The following PLS1 variants were observed in gnomAD, a reference collection of about 807,000 sequenced individuals.
PLS1 encodes the protein plastin-1.
Under a neutral mutation model 73.7 loss-of-function variants are expected in PLS1, and 32 were observed. That is an observed-to-expected ratio of 0.43 (90% confidence interval 0.33 to 0.58). The LOEUF (loss-of-function observed/expected upper bound fraction) is 0.58. PLS1 is among the 20% of genes least tolerant of loss of function. The probability of loss-of-function intolerance (pLI) is 0.04; values close to 1 mark genes in which losing one functional copy is unlikely to be tolerated. For missense variants in PLS1, 633 were observed against 740.5 expected (o/e 0.85, Z 1.68); for synonymous variants, 217 against 261.3 (o/e 0.83, Z 1.63).
At chr3:142,683,962 TAGAA>T (rs771473305) in intron 6 of PLS1, 40 bp from the exon 7 acceptor site, 15 of 1,463,150 alleles carry the variant, frequency 1.0e-5, no homozygotes, top group Admixed American at 2.0e-5. Context: ...GATAAGACCT[TAGAA>T]AGGACTTCCT....
intron 6 of PLS1, among the ~76,000 whole-genome samples, chr3:142,681,650 G>T (rs939225144): frequency 1.3e-5 from 2 of 152,062 alleles, no homozygotes; most frequent in African/African-American, 4.8e-5. Flanking sequence ...CTATCTTTCC[G>T]CATCAACACG....
intron 13 of PLS1, 38 bp downstream of exon 13, chr3:142,704,039 C>A: frequency 1.3e-6 from 2 of 1,588,418 alleles, no homozygotes; most frequent in Non-Finnish European, 1.7e-6. Context: ...CTGCCTGTTT[C>A]CTCCAACAAG....
intron 1 of PLS1, among the ~76,000 whole-genome samples, chr3:142,596,978 G>T (rs2035826075): frequency 6.6e-6 from 1 of 152,078 alleles, no homozygotes; most frequent in Non-Finnish European, 1.5e-5. Flanking sequence ...GGGACCTCTG[G>T]ATGCGGCATA....
At chr3:142,628,642 A>G (rs892313882) in intron 1 of PLS1, among the ~76,000 whole-genome samples, 5 of 152,300 alleles carry the variant, frequency 3.3e-5, no homozygotes, top group Non-Finnish European at 7.4e-5. Context: ...TACTTATAAT[A>G]TCATGGTGGT....
chr3:142,611,628 A>G (rs1157058230), intron 1 of PLS1, among the ~76,000 whole-genome samples: 2 of 152,056 alleles, frequency 1.3e-5, no homozygotes, highest in African/African-American at 4.8e-5. Flanking sequence ...TCTCCCCAAA[A>G]TTTTTTAAAA....
intron 10 of PLS1, among the ~76,000 whole-genome samples, chr3:142,693,390 T>C (rs766345678): frequency 6.6e-6 from 1 of 152,184 alleles, no homozygotes; most frequent in Non-Finnish European, 1.5e-5. Context: ...AACGAGCCCC[T>C]GGAACGCAGA....
chr3:142,643,045 G>C (rs1234826702), intron 1 of PLS1, among the ~76,000 whole-genome samples: 1 of 152,192 alleles, frequency 6.6e-6, no homozygotes, highest in African/African-American at 2.4e-5. Context: ...CCTCCCAAAA[G>C]AGTTGGATCT....
intron 1 of PLS1, chr3:142,645,159 C>T (rs1390654566): frequency 6.6e-6 from 1 of 152,124 alleles, no homozygotes; most frequent in Non-Finnish European, 1.5e-5. Flanking sequence ...TTTGTTATGG[C>T]ATTCTTTGTG....
chr3:142,709,394 T>C (rs777101384), intron 14 of PLS1, among the ~76,000 whole-genome samples: 49 of 152,158 alleles, frequency 3.2e-4, no homozygotes, highest in Admixed American at 1.0e-3. Context: ...CTCTCTCTCT[T>C]ACCCCTGCCC....
intron 1 of PLS1, among the ~76,000 whole-genome samples, chr3:142,606,106 A>G (rs937820738): frequency 6.6e-6 from 1 of 152,230 alleles, no homozygotes; most frequent in Non-Finnish European, 1.5e-5. Context: ...ACATTGTACA[A>G]AAGGGTACAC....
intron 6 of PLS1, among the ~76,000 whole-genome samples, chr3:142,680,777 TATA>T (rs1288748989): frequency 6.6e-6 from 1 of 152,196 alleles, no homozygotes. Context: ...CCAGCAACTT[TATA>T]ATAAGGTATA....
intron 1 of PLS1, among the ~76,000 whole-genome samples, chr3:142,599,364 C>G (rs1343287131): frequency 1.5e-5 from 2 of 131,520 alleles, no homozygotes; most frequent in Admixed American, 8.5e-5. Context: ...GAGTCTCGCT[C>G]TGTCGCCCAG....
chr3:142,672,509 A>G (rs1286157033), intron 4 of PLS1, among the ~76,000 whole-genome samples: 1 of 151,624 alleles, frequency 6.6e-6, no homozygotes, highest in African/African-American at 2.4e-5. Flanking sequence ...CGCCCAGCTA[A>G]TGTTTTTGTA....
At chr3:142,676,007 T>C in intron 4 of PLS1, 150 bp from the exon 5 acceptor site, 1 of 660,974 alleles carries the variant, frequency 1.5e-6, no homozygotes, top group African/African-American at 1.9e-5. Context: ...TGAACCCTTT[T>C]GTGTTTTAGT....
chr3:142,634,667 A>G (rs2036638822), intron 1 of PLS1, among the ~76,000 whole-genome samples: 1 of 152,182 alleles, frequency 6.6e-6, no homozygotes, highest in Non-Finnish European at 1.5e-5. Context: ...AAAAGATGAA[A>G]TTAAGGACTT....
At chr3:142,614,327 A>T (rs1364494637) in intron 1 of PLS1, among the ~76,000 whole-genome samples, 1 of 152,244 alleles carries the variant, frequency 6.6e-6, no homozygotes, top group Non-Finnish European at 1.5e-5. Context: ...TACCAAGGAT[A>T]GAAGGATGTG....
intron 1 of PLS1, among the ~76,000 whole-genome samples, chr3:142,638,367 T>A (rs1452217084): frequency 6.6e-6 from 1 of 152,100 alleles, no homozygotes; most frequent in East Asian, 1.9e-4. Context: ...CAAGAAAGGA[T>A]AGGGTGTTGA....
intron 2 of PLS1, among the ~76,000 whole-genome samples, chr3:142,664,729 A>G (rs938718820): frequency 6.6e-6 from 1 of 152,164 alleles, no homozygotes; most frequent in African/African-American, 2.4e-5. Flanking sequence ...TAAATGCCAT[A>G]TGTCTTATTT....
At chr3:142,614,644 G>A (rs941659628) in intron 1 of PLS1, among the ~76,000 whole-genome samples, 1 of 152,208 alleles carries the variant, frequency 6.6e-6, no homozygotes, top group African/African-American at 2.4e-5. Context: ...TCCAGGCAGT[G>A]TTTGGCCCAT....
Sources: allele counts gnomAD v4.1 joint callset (sites outside exome capture counted in the v4.1 genomes callset), GRCh38; gene constraint gnomAD v4.1.1; transcripts MANE v1.5; gene names NCBI Gene and HGNC (gene_info 2026-07-23, HGNC 2026-07-21).